Variants in PTPRT observed in about 807,000 individuals in gnomAD.
PTPRT encodes protein tyrosine phosphatase receptor type T.
In PTPRT, 56 loss-of-function variants were observed where a neutral mutation model predicts 176.8. The ratio of observed to expected loss-of-function variants is 0.32; its 90% CI spans 0.26 to 0.40. The LOEUF (loss-of-function observed/expected upper bound fraction) is 0.40. Among genes scored for constraint, PTPRT ranks in the 10% least tolerant of loss-of-function variants. PTPRT has a pLI of 1.00. For missense variants in PTPRT, 1,540 were observed against 1,908.2 expected, an observed-to-expected ratio of 0.81 and a Z score of 3.60; for synonymous variants, 783 against 739.0, an observed-to-expected ratio of 1.06 and a Z score of -0.96.
At chr20:43,124,708 C>A (rs1600729016) in intron 1 of PTPRT, among the ~76,000 whole-genome samples, 1 of 152,306 alleles carries the variant, frequency 6.6e-6, no homozygotes, top group East Asian at 1.9e-4. Flanking sequence ...AGGCACCTTT[C>A]TACATCCGTG....
chr20:42,298,318 T>G (rs2057416754), intron 12 of PTPRT, among the ~76,000 whole-genome samples: 1 of 152,108 alleles, frequency 6.6e-6, no homozygotes, highest in Non-Finnish European at 1.5e-5. Context: ...CATGTAAGTG[T>G]GACAAAAATG....
At chr20:43,119,325 G>A (rs2013172249) in intron 1 of PTPRT, among the ~76,000 whole-genome samples, 1 of 152,272 alleles carries the variant, frequency 6.6e-6, no homozygotes, top group East Asian at 1.9e-4. Flanking sequence ...GCCAAACTGT[G>A]TTCAATATAC....
intron 1 of PTPRT, among the ~76,000 whole-genome samples, chr20:42,896,357 C>A (rs2079297251): frequency 6.6e-6 from 1 of 151,948 alleles, no homozygotes; most frequent in Non-Finnish European, 1.5e-5. Context: ...CAAGATGGTG[C>A]CAGGCGCGAT....
intron 15 of PTPRT, among the ~76,000 whole-genome samples, chr20:42,229,229 AG>A (rs2056084206): frequency 6.6e-6 from 1 of 152,230 alleles, no homozygotes; most frequent in Non-Finnish European, 1.5e-5. Flanking sequence ...GCTTTTAAGG[AG>A]ACTGAGCAGA....
At chr20:42,370,357 A>C (rs1038728732) in intron 9 of PTPRT, among the ~76,000 whole-genome samples, 42 of 152,160 alleles carry the variant, frequency 2.8e-4, no homozygotes, top group Non-Finnish European at 4.3e-4. Flanking sequence ...CTTCCCCTTG[A>C]GCTACACAAA....
At chr20:42,782,528 A>G (rs2145506579) in intron 3 of PTPRT, among the ~76,000 whole-genome samples, 1 of 152,324 alleles carries the variant, frequency 6.6e-6, no homozygotes, top group South Asian at 2.1e-4. Flanking sequence ...ACTATGACCC[A>G]TTCAGTCACC....
intron 1 of PTPRT, among the ~76,000 whole-genome samples, chr20:42,903,557 G>A (rs767246969): frequency 4.9e-4 from 74 of 152,266 alleles, no homozygotes; most frequent in African/African-American, 1.4e-3. Context: ...ATATTATTGC[G>A]GTCTGAGTAT....
At chr20:43,162,145 T>C (rs2014716656) in intron 1 of PTPRT, among the ~76,000 whole-genome samples, 1 of 152,212 alleles carries the variant, frequency 6.6e-6, no homozygotes, top group African/African-American at 2.4e-5. Context: ...CTAAAACTGC[T>C]ACCTCTTATT....
intron 7 of PTPRT, among the ~76,000 whole-genome samples, chr20:42,565,256 C>T (rs2073018981): frequency 6.6e-6 from 1 of 152,114 alleles, no homozygotes; most frequent in African/African-American, 2.4e-5. Flanking sequence ...AGAAGCAAAC[C>T]CCACGTTGCT....
chr20:42,921,989 G>A lies in PTPRT; in HGVS notation c.89-36057C>T, dbSNP rs151163096. On this transcript the variant is annotated intron_variant, in intron 1 of 30. Coordinates refer to ENST00000373187, the MANE Select transcript of PTPRT (RefSeq NM_007050.6). ...CTCGCTGTGTCACCCAGGCTGGAGT[G>A]CAGTGGCATGATCTCAGCTCACTGC... 9.5e-4 allele frequency among the ~76,000 whole-genome samples: 144 copies of A among 152,304 alleles called. 1 individual carries two copies. The East Asian group carries it at 0.024, about 26-fold the overall frequency.
At chr20:43,025,984 T>C (rs1198870566) in intron 1 of PTPRT, among the ~76,000 whole-genome samples, 1 of 152,156 alleles carries the variant, frequency 6.6e-6, no homozygotes, top group Non-Finnish European at 1.5e-5. Flanking sequence ...CACTTGGATG[T>C]TTAGGTCTTT....
intron 8 of PTPRT, among the ~76,000 whole-genome samples, chr20:42,470,231 G>T (rs547252814): frequency 6.6e-6 from 1 of 152,250 alleles, no homozygotes; most frequent in Non-Finnish European, 1.5e-5. Flanking sequence ...AGAGACAAAA[G>T]TTACTGAAAT....
intron 1 of PTPRT, among the ~76,000 whole-genome samples, chr20:43,125,154 C>T (rs1253150078): frequency 8.0e-6 from 1 of 125,124 alleles, no homozygotes; most frequent in African/African-American, 2.9e-5. Context: ...TGCCGCCACA[C>T]CTAGCTGATT....
intron 2 of PTPRT, among the ~76,000 whole-genome samples, chr20:42,820,444 T>TA: frequency 6.6e-6 from 1 of 152,258 alleles, no homozygotes; most frequent in South Asian, 2.1e-4. Flanking sequence ...TTTATAGCAC[T>TA]AAATGCCCAC....
At chr20:42,415,818 TA>T (rs2059061142) in intron 9 of PTPRT, among the ~76,000 whole-genome samples, 1 of 152,176 alleles carries the variant, frequency 6.6e-6, no homozygotes, top group Non-Finnish European at 1.5e-5. Context: ...TCTCCATCAT[TA>T]TTTATAGGGG....
intron 2 of PTPRT, among the ~76,000 whole-genome samples, chr20:42,853,535 C>T (rs771103927): frequency 3.3e-5 from 5 of 152,146 alleles, no homozygotes; most frequent in Non-Finnish European, 7.4e-5. Flanking sequence ...CTCCAATGCC[C>T]ATGCATAGGA....
chr20:42,821,460 G>A (rs2077892459), intron 2 of PTPRT, among the ~76,000 whole-genome samples: 1 of 152,284 alleles, frequency 6.6e-6, no homozygotes, highest in Middle Eastern at 3.4e-3. Context: ...ATATCTTATT[G>A]AACGGGCAAA....
intron 1 of PTPRT, among the ~76,000 whole-genome samples, chr20:43,024,240 A>G (rs974110808): frequency 2.6e-5 from 4 of 152,192 alleles, no homozygotes. Flanking sequence ...TGAGGAGTAA[A>G]TGAGTGCATG....
At chr20:42,593,432 T>C (rs906174809) in intron 7 of PTPRT, among the ~76,000 whole-genome samples, 1 of 152,144 alleles carries the variant, frequency 6.6e-6, no homozygotes, top group African/African-American at 2.4e-5. Flanking sequence ...TTTGCCTTCT[T>C]AATAGATGTG....
Sources: allele counts gnomAD v4.1 joint callset (sites outside exome capture counted in the v4.1 genomes callset), GRCh38; gene constraint gnomAD v4.1.1; transcripts MANE v1.5; gene names NCBI Gene and HGNC (gene_info 2026-07-23, HGNC 2026-07-21).